GLRA3: variants seen among roughly 807,000 people sequenced by gnomAD.
GLRA3 encodes glycine receptor alpha 3, also known as glycine receptor subunit alpha-3.
A neutral mutation model predicts 60.4 loss-of-function variants in GLRA3; 44 were observed. That is an observed-to-expected ratio of 0.73 (90% CI 0.57 to 0.94). GLRA3 has a LOEUF of 0.94. Among genes scored for constraint, GLRA3 ranks in the 40% least tolerant of loss-of-function variants. The pLI is 0.00. For synonymous variants in GLRA3, 223 were observed against 192.9 expected, an observed-to-expected ratio of 1.16 and a Z score of -1.29; for missense variants, 508 against 564.6, an observed-to-expected ratio of 0.90 and a Z score of 1.02.
chr4:174,713,390 C>T (rs180947763), intron 5 of GLRA3, among the ~76,000 whole-genome samples: 2 of 152,272 alleles, frequency 1.3e-5, no homozygotes, highest in African/African-American at 4.8e-5. Flanking sequence ...GCCCAGTGAT[C>T]TAACCAACCC....
At chr4:174,709,012 A>G (rs894459107) in intron 5 of GLRA3, among the ~76,000 whole-genome samples, 7 of 152,014 alleles carry the variant, frequency 4.6e-5, no homozygotes, top group Non-Finnish European at 7.4e-5. Flanking sequence ...ATCATTCTAT[A>G]TTAGTTATTT....
chr4:174,709,430 G>C (rs1190193871), intron 5 of GLRA3, among the ~76,000 whole-genome samples: 1 of 152,012 alleles, frequency 6.6e-6, no homozygotes, highest in Non-Finnish European at 1.5e-5. Flanking sequence ...TGAGAATAAA[G>C]TGTGAATTTT....
chr4:174,729,982 A>G (rs1037726492), intron 3 of GLRA3, among the ~76,000 whole-genome samples: 2 of 152,198 alleles, frequency 1.3e-5, no homozygotes, highest in Non-Finnish European at 2.9e-5. Context: ...ACAAATCTGT[A>G]CATCCTCTTG....
chr4:174,724,074 GTA>G (rs759675370), intron 4 of GLRA3, among the ~76,000 whole-genome samples: 106 of 146,338 alleles, frequency 7.2e-4, no homozygotes, highest in South Asian at 1.7e-3. Context: ...ATATATATAT[GTA>G]TATATATATA....
intron 4 of GLRA3, among the ~76,000 whole-genome samples, chr4:174,727,746 A>G (rs539113621): frequency 6.6e-6 from 1 of 152,282 alleles, no homozygotes; most frequent in South Asian, 2.1e-4. Flanking sequence ...TCAACTGTCA[A>G]AAATTTTTAT....
At chr4:174,681,275 A>C (rs1425058910) in intron 6 of GLRA3, among the ~76,000 whole-genome samples, 1 of 152,220 alleles carries the variant, frequency 6.6e-6, no homozygotes, top group Non-Finnish European at 1.5e-5. Flanking sequence ...TCTATCATAA[A>C]AATTCATCCC....
chr4:174,715,546 TG>T lies in GLRA3; in HGVS notation c.515del (p.Pro172GlnfsTer15). 1 of 1,537,894 alleles carries T rather than the reference TG, an allele frequency of 6.5e-7. No homozygotes were observed. Among genetic ancestry groups the T allele is most frequent in the South Asian group, 1.1e-5 (1 of 87,136 alleles). On this transcript the variant is annotated frameshift_variant, in exon 5 of 10. Coordinates refer to ENST00000274093, the MANE Select transcript of GLRA3 (RefSeq NM_006529.4). LOFTEE classifies it high-confidence loss of function. ...CCATGGGAAAATTCTTGAGATCCATTGGACAGGAAAGTGTTAATGTTAATCT... is the reference window on the plus strand; with the variant it reads ...CCATGGGAAAATTCTTGAGATCCATTGACAGGAAAGTGTTAATGTTAATCT... The part of the protein sequence containing the change: ...SIRLTLTLSC[P>X]MDLKNFPMDV...
At chr4:174,644,350 A>G (rs991483472) in intron 9 of GLRA3, among the ~76,000 whole-genome samples, 1 of 150,790 alleles carries the variant, frequency 6.6e-6, no homozygotes, top group Non-Finnish European at 1.5e-5. Flanking sequence ...TTGAATATCT[A>G]AATTAAAAAA....
intron 3 of GLRA3, among the ~76,000 whole-genome samples, chr4:174,738,980 A>G (rs1191218187): frequency 6.6e-6 from 1 of 152,212 alleles, no homozygotes; most frequent in Non-Finnish European, 1.5e-5. Flanking sequence ...AATTCCACTG[A>G]GCAACTTCTG....
At chr4:174,703,824 T>C (rs571797909) in intron 5 of GLRA3, among the ~76,000 whole-genome samples, 1 of 152,324 alleles carries the variant, frequency 6.6e-6, no homozygotes, top group East Asian at 1.9e-4. Context: ...CCTCCTTTTA[T>C]GCAGGTAGCA....
At chr4:174,691,915 C>A in intron 5 of GLRA3, among the ~76,000 whole-genome samples, 1 of 151,718 alleles carries the variant, frequency 6.6e-6, no homozygotes, top group East Asian at 2.0e-4. Context: ...AGGAGCTTCT[C>A]TGCCCGGCCG....
intron 5 of GLRA3, chr4:174,713,563 C>T (rs566601419): frequency 2.0e-5 from 3 of 152,316 alleles, no homozygotes; most frequent in Admixed American, 6.5e-5. Context: ...TCTTCGTTAA[C>T]AATAACAATT....
rs1454967534 is a variant in GLRA3, at chr4:174,659,123, A to G, written c.1002T>C (p.Tyr334=). 2.5e-6 allele frequency: 4 copies of G among 1,612,286 alleles called. No homozygotes were observed. Among genetic ancestry groups the G allele is most frequent in the Non-Finnish European group, 3.4e-6 (4 of 1,178,544 alleles). ...LLFVFSALLE[Y]AAVNFVSRQH... is the part of the protein sequence containing the mutation. ...GTCTTGATACAAAATTTACAGCTGC[A>G]TACTCCAGAAGTGCTGAAAACACAA... Residue 334 remains tyrosine, a synonymous_variant, in exon 8 of 10, where the codon TAT becomes TAC. Transcript: ENST00000274093.
chr4:174,715,508 C>G lies in GLRA3; in HGVS notation c.554G>C (p.Cys185Ser), dbSNP rs1403000129. The change falls in exon 5 of 10, where the codon TGT (cysteine) becomes TCT (serine). Residue 185 changes from cysteine to serine, a missense_variant. Cys to Ser is a moderately radical substitution (Grantham distance 112, BLOSUM62 -1). This residue lies in a region of GLRA3 where 329 missense variants were observed against 349.3 expected (regional missense o/e 0.94). Coordinates refer to ENST00000274093, the MANE Select transcript of GLRA3 (RefSeq NM_006529.4). Reference protein sequence around the residue: ...LKNFPMDVQTCIMQLESFGYT... With the variant: ...LKNFPMDVQTSIMQLESFGYT... ...CTTACAGCTTTCCAGTTGCATTATA[C>G]ATGTTTGTACATCCATGGGAAAATT... is the stretch of plus-strand genomic sequence containing the variant. The G allele has an allele frequency of 6.5e-7, 1 of 1,540,472 alleles. No individual in the cohort carries two copies. The highest frequency in any genetic ancestry group is 9.0e-7 in the Non-Finnish European group (1 of 1,116,314).
At chr4:174,696,638 T>C (rs950853130) in intron 5 of GLRA3, among the ~76,000 whole-genome samples, 4 of 151,904 alleles carry the variant, frequency 2.6e-5, no homozygotes, top group African/African-American at 7.2e-5. Context: ...TTTATATCCA[T>C]GAGATTAGAT....
At chr4:174,659,001 C>A in intron 8 of GLRA3, 53 bp downstream of exon 8, 1 of 1,477,346 alleles carries the variant, frequency 6.8e-7, no homozygotes, top group African/African-American at 1.4e-5. Flanking sequence ...ACAACAAATT[C>A]ACTTTCGAGT....
At chr4:174,644,767 CTA>C (rs1477657566) in intron 9 of GLRA3, among the ~76,000 whole-genome samples, 1 of 151,936 alleles carries the variant, frequency 6.6e-6, no homozygotes, top group African/African-American at 2.4e-5. Context: ...AAATTTATTA[CTA>C]TGTTCTTCTA....
At chr4:174,674,703 T>C (rs1436161932) in intron 7 of GLRA3, among the ~76,000 whole-genome samples, 1 of 152,192 alleles carries the variant, frequency 6.6e-6, no homozygotes, top group African/African-American at 2.4e-5. Flanking sequence ...ATAGTCAATT[T>C]TCCTGAATGT....
chr4:174,650,504 G>T (rs1732987712), intron 9 of GLRA3, among the ~76,000 whole-genome samples: 1 of 152,158 alleles, frequency 6.6e-6, no homozygotes, highest in Non-Finnish European at 1.5e-5. Context: ...CTGTCAGCAG[G>T]TATAAGCTAC....
Sources: gnomAD v4.1 joint callset for allele counts (sites outside exome capture counted in the v4.1 genomes callset) on GRCh38, gnomAD v4.1.1 for gene constraint, gnomAD v4.1.1 regional missense constraint, MANE v1.5 for transcripts, NCBI Gene and HGNC (gene_info 2026-07-23, HGNC 2026-07-21) for gene names.